The following FILIP1L variants were observed in gnomAD, a reference collection of about 807,000 sequenced individuals.
FILIP1L encodes the protein filamin A interacting protein 1 like.
In FILIP1L, 55 loss-of-function variants were observed where a neutral mutation model predicts 96.6. That is an observed-to-expected ratio of 0.57 (90% CI 0.46 to 0.71). The LOEUF (loss-of-function observed/expected upper bound fraction) is 0.71, where lower values mean the gene tolerates loss of function less well. Among genes scored for constraint, FILIP1L ranks in the 30% least tolerant of loss-of-function variants. The pLI is 0.00. For missense variants in FILIP1L, 1,304 were observed against 1,321.2 expected (o/e 0.99, Z 0.20); for synonymous variants, 467 against 473.9 (o/e 0.99, Z 0.19).
At chr3:99,898,412 T>C (rs1253823574) in intron 4 of FILIP1L, 2 of 152,224 alleles carry the variant, frequency 1.3e-5, no homozygotes, top group Non-Finnish European at 2.9e-5. Flanking sequence ...AAATAAAAAT[T>C]ATGTTTTGTG....
intron 5 of FILIP1L, among the ~76,000 whole-genome samples, chr3:99,836,028 G>A (rs1477125564): frequency 2.0e-5 from 3 of 152,180 alleles, no homozygotes; most frequent in South Asian, 4.1e-4. Flanking sequence ...GAGATGAAAC[G>A]AAAGATGAAG....
chr3:99,863,952 A>G (rs927702283), intron 4 of FILIP1L, among the ~76,000 whole-genome samples: 1 of 152,208 alleles, frequency 6.6e-6, no homozygotes, highest in Non-Finnish European at 1.5e-5. Flanking sequence ...TTTCCATTGG[A>G]TCAGTGTTCT....
At chr3:99,853,285 A>G (rs1000136078) in intron 4 of FILIP1L, among the ~76,000 whole-genome samples, 1 of 152,196 alleles carries the variant, frequency 6.6e-6, no homozygotes, top group African/African-American at 2.4e-5. Flanking sequence ...CTTGAGCATA[A>G]TTACAGTGAA....
chr3:100,009,541 T>C (rs1261409057), intron 1 of FILIP1L, among the ~76,000 whole-genome samples: 2 of 152,186 alleles, frequency 1.3e-5, no homozygotes, highest in Non-Finnish European at 2.9e-5. Flanking sequence ...ACTGAGCCTT[T>C]TCACTTGATA....
At chr3:100,027,892 G>A (rs1439723581) in intron 1 of FILIP1L, among the ~76,000 whole-genome samples, 3 of 152,148 alleles carry the variant, frequency 2.0e-5, no homozygotes, top group Non-Finnish European at 2.9e-5. Flanking sequence ...GGGAGTGAGA[G>A]GGAAAGTGGT....
At chr3:100,026,076 GT>G (rs2064915083) in intron 1 of FILIP1L, among the ~76,000 whole-genome samples, 1 of 152,110 alleles carries the variant, frequency 6.6e-6, no homozygotes, top group African/African-American at 2.4e-5. Context: ...TGAAAGAGGA[GT>G]TTTTTTCAAG....
Position 100,088,766 on chromosome 3 carries a change from G to T in FILIP1L, c.-11+25287C>A, listed in dbSNP as rs1576042596. On this transcript the variant is annotated intron_variant, in intron 1 of 5. Transcript: ENST00000477258. ...GTAATTTCTTTTTCTTCATATTTTT[G>T]TCTCTCTTCTCTATCTGCCCCACTT... 2.0e-5 allele frequency among the ~76,000 whole-genome samples: 3 copies of T among 150,958 alleles called. No individual in the cohort carries two copies. The East Asian group carries it at 5.8e-4, about 29-fold the overall frequency.
intron 1 of FILIP1L, chr3:100,040,628 A>T (rs1381541686): frequency 6.6e-6 from 1 of 152,214 alleles, no homozygotes; most frequent in Non-Finnish European, 1.5e-5. Flanking sequence ...AGCCTTTAGG[A>T]CGGTCTTGGT....
intron 1 of FILIP1L, among the ~76,000 whole-genome samples, chr3:99,962,368 C>T (rs1435921918): frequency 1.3e-5 from 2 of 152,104 alleles, no homozygotes; most frequent in Non-Finnish European, 2.9e-5. Context: ...CTCTTGGGAA[C>T]ATAATTACTA....
intron 1 of FILIP1L, among the ~76,000 whole-genome samples, chr3:100,004,871 G>A (rs1026855117): frequency 2.6e-5 from 4 of 152,168 alleles, no homozygotes; most frequent in African/African-American, 9.7e-5. Flanking sequence ...AGAGATTAGA[G>A]GCAGGAGAAT....
At chr3:100,074,304 C>T (rs571458800) in intron 1 of FILIP1L, among the ~76,000 whole-genome samples, 31 of 152,240 alleles carry the variant, frequency 2.0e-4, no homozygotes, top group East Asian at 5.8e-4. Flanking sequence ...CAAAGGTTTC[C>T]GTTGCTGAAT....
intron 1 of FILIP1L, among the ~76,000 whole-genome samples, chr3:100,049,609 C>T (rs1490356344): frequency 6.6e-6 from 1 of 152,186 alleles, no homozygotes; most frequent in Non-Finnish European, 1.5e-5. Context: ...GACCCTTGAA[C>T]AACATGGTTT....
chr3:99,949,354 A>C (rs1708109068), intron 1 of FILIP1L, among the ~76,000 whole-genome samples: 1 of 152,210 alleles, frequency 6.6e-6, no homozygotes, highest in Non-Finnish European at 1.5e-5. Flanking sequence ...ATAGTTGGCA[A>C]CTGGCTTCTT....
rs2064896131 is a variant in FILIP1L at position 100,025,173 on chromosome 3, T to G, written c.-11+88880A>C. Reference sequence around the variant, plus strand: ...ATACTTAGCTAAAAGAGAGAAAGGCTGAGTGGAAGAATTTTCCTATGCCTA... The same window carrying G: ...ATACTTAGCTAAAAGAGAGAAAGGCGGAGTGGAAGAATTTTCCTATGCCTA... On this transcript the variant is annotated intron_variant, in intron 1 of 5. Coordinates refer to ENST00000477258, the MANE Select transcript of FILIP1L (RefSeq NM_001387850.1). Among the ~76,000 whole-genome samples, 3 of 152,210 alleles carry G rather than the reference T, an allele frequency of 2.0e-5. No individual in the cohort carries two copies. In the South Asian group the frequency reaches 6.2e-4, roughly 32 times the overall value.
chr3:99,831,459 CT>C (rs1163166273), intron 5 of FILIP1L, among the ~76,000 whole-genome samples: 2 of 152,108 alleles, frequency 1.3e-5, no homozygotes, highest in African/African-American at 4.8e-5. Context: ...AAAAGGAACA[CT>C]AAATTGTTTT....
At chr3:99,966,167 A>C (rs1166629264) in intron 1 of FILIP1L, among the ~76,000 whole-genome samples, 1 of 152,210 alleles carries the variant, frequency 6.6e-6, no homozygotes, top group African/African-American at 2.4e-5. Flanking sequence ...GTAGGTGAGT[A>C]ATTCCTTAGA....
chr3:99,933,432 G>A lies in FILIP1L; in HGVS notation c.-10-2402C>T, dbSNP rs116191753. Among the ~76,000 whole-genome samples, 1,103 of 152,084 alleles carry A rather than the reference G, an allele frequency of 7.3e-3. 18 individuals carry two copies. Among genetic ancestry groups the A allele is most frequent in the African/African-American group, 0.024 (1,016 of 41,488 alleles). On this transcript the variant is annotated intron_variant, in intron 1 of 5. Coordinates refer to ENST00000477258, the MANE Select transcript of FILIP1L (RefSeq NM_001387850.1). ...TTGGGGATGTGTAAGAGATGAGATTGGGAAAAACCTCATTGTGTGTATATC... is the reference window on the plus strand; with the variant it reads ...TTGGGGATGTGTAAGAGATGAGATTAGGAAAAACCTCATTGTGTGTATATC...
chr3:99,900,331 G>T (rs1021905381), intron 4 of FILIP1L, among the ~76,000 whole-genome samples: 1 of 152,070 alleles, frequency 6.6e-6, no homozygotes, highest in Non-Finnish European at 1.5e-5. Context: ...CATACCTGGT[G>T]CTTCTTGTAT....
intron 4 of FILIP1L, among the ~76,000 whole-genome samples, chr3:99,857,635 T>G (rs778804189): frequency 6.6e-6 from 1 of 152,240 alleles, no homozygotes; most frequent in Non-Finnish European, 1.5e-5. Context: ...CAGATTGTTT[T>G]GCAGTTTTTC....
Sources: gnomAD v4.1 joint callset for allele counts (sites outside exome capture counted in the v4.1 genomes callset) on GRCh38, gnomAD v4.1.1 for gene constraint, MANE v1.5 for transcripts, NCBI Gene and HGNC (gene_info 2026-07-23, HGNC 2026-07-21) for gene names.